The following TENM2 variants were observed in gnomAD, a reference collection of about 807,000 sequenced individuals.
TENM2 encodes teneurin-2.
TENM2 carries 52 observed loss-of-function variants against 245.2 expected under a neutral mutation model. The observed-to-expected ratio is 0.21, with a 90% CI of 0.17 to 0.27. The LOEUF (loss-of-function observed/expected upper bound fraction) is 0.27. TENM2 is among the 10% of genes least tolerant of loss of function. The probability of loss-of-function intolerance (pLI) is 1.00; values close to 1 mark genes in which losing one functional copy is unlikely to be tolerated. For synonymous variants in TENM2, 1,363 were observed against 1,438.9 expected (o/e 0.95, Z 1.19); for missense variants, 3,046 against 3,666.8 (o/e 0.83, Z 4.37).
intron 6 of TENM2, among the ~76,000 whole-genome samples, chr5:168,049,456 T>G (rs1246363935): frequency 6.6e-6 from 1 of 152,218 alleles, no homozygotes; most frequent in African/African-American, 2.4e-5. Context: ...ATGCCAATGC[T>G]TTTCGAGTAG....
rs371105320 is a variant in TENM2 at position 168,022,198 on chromosome 5, G to A, written c.1187-25229G>A. The stretch of plus-strand genomic sequence containing the variant: ...ATGAGCAGGCACCGTGCCGGGGGCT[G>A]GGGATGCAGCGCAGAGAAGAGCAGC... On this transcript the variant is annotated intron_variant, in intron 5 of 28. Transcript: ENST00000518659. Among the ~76,000 whole-genome samples the A allele has an allele frequency of 6.6e-5, 10 of 152,342 alleles. No homozygotes were observed. The South Asian group carries it at 2.1e-3, about 32-fold the overall frequency.
intron 2 of TENM2, among the ~76,000 whole-genome samples, chr5:167,509,687 A>T (rs1315925726): frequency 6.6e-6 from 1 of 152,192 alleles, no homozygotes; most frequent in Non-Finnish European, 1.5e-5. Flanking sequence ...GCGAACATTG[A>T]CTGAGCACTT....
chr5:167,981,082 G>A (rs1782802331), intron 4 of TENM2, among the ~76,000 whole-genome samples: 1 of 152,206 alleles, frequency 6.6e-6, no homozygotes, highest in Non-Finnish European at 1.5e-5. Flanking sequence ...ACTGGTCCGA[G>A]TAAGGATATG....
intron 1 of TENM2, among the ~76,000 whole-genome samples, chr5:167,351,715 T>C (rs1362026905): frequency 6.6e-6 from 1 of 152,176 alleles, no homozygotes; most frequent in African/African-American, 2.4e-5. Context: ...TGCCTAATAA[T>C]GAAGGGATGG....
At chr5:167,287,766 TTCTTC>T (rs1754381154) in intron 1 of TENM2, 1 of 152,296 alleles carries the variant, frequency 6.6e-6, no homozygotes, top group South Asian at 2.1e-4. Flanking sequence ...CTATTGTGGC[TTCTTC>T]TCTTGAGTAT....
intron 2 of TENM2, among the ~76,000 whole-genome samples, chr5:167,872,534 AAGAAAGAAAGAAAG>A (rs1479355153): frequency 0.045 from 2,201 of 48,432 alleles, 27 homozygotes; most frequent in East Asian, 0.067. Context: ...GAAAGAAAGA[AAGAAAGAAAGAAAG>A]AGAAAGAAAG....
chr5:167,555,580 G>C (rs1270208326), intron 2 of TENM2, among the ~76,000 whole-genome samples: 1 of 152,114 alleles, frequency 6.6e-6, no homozygotes, highest in East Asian at 1.9e-4. Context: ...TGGAGGGATT[G>C]CTGGTATGGA....
the TENM2 span, among the ~76,000 whole-genome samples, chr5:167,061,091 A>AAC: frequency 0.26 from 38,270 of 149,468 alleles, 5,726 homozygotes; most frequent in Non-Finnish European, 0.33. Context: ...CTCTCTCCAA[A>AAC]ACACACACAC....
Position 168,244,273 on chromosome 5 carries a change from G to A in TENM2, c.5521-147G>A. ...TTTTCTATCTGTGCCATGATAAGGAGCTTAGAAAGCACTACTCTAACTTTG... is the reference window on the plus strand; with the variant it reads ...TTTTCTATCTGTGCCATGATAAGGAACTTAGAAAGCACTACTCTAACTTTG... On this transcript the variant is annotated intron_variant, in intron 25 of 28. Transcript: ENST00000518659. The surrounding 1 kb of genome is among the most constrained non-coding windows in gnomAD (Gnocchi z 4.9). 1.5e-6 allele frequency: 1 copy of A among 661,526 alleles called. No individual in the cohort carries two copies. Among genetic ancestry groups the A allele is most frequent in the Non-Finnish European group, 2.3e-6 (1 of 439,472 alleles). The allele number at this position is 661,526 out of a possible 1,614,324, so 41.0% of individuals were successfully genotyped here. A position where few individuals can be genotyped will look rare whatever the true frequency, so the allele number is the denominator to read the frequency against.
intron 2 of TENM2, chr5:167,729,242 A>G (rs891923606): frequency 2.0e-5 from 3 of 152,182 alleles, no homozygotes; most frequent in South Asian, 4.1e-4. Flanking sequence ...TTGACTGCCT[A>G]CTTTCAAGCC....
intron 2 of TENM2, among the ~76,000 whole-genome samples, chr5:167,718,900 G>A (rs1445154617): frequency 6.6e-6 from 1 of 151,896 alleles, no homozygotes; most frequent in African/African-American, 2.4e-5. Context: ...AGCTTCTTAT[G>A]TGTGAATTAG....
the TENM2 span, among the ~76,000 whole-genome samples, chr5:167,141,229 T>C: frequency 1.1e-4 from 17 of 152,336 alleles, no homozygotes; most frequent in Admixed American, 1.0e-3. Flanking sequence ...AATTAATTGC[T>C]AATTATCCAA....
At chr5:167,856,415 G>A (rs968428729) in intron 2 of TENM2, among the ~76,000 whole-genome samples, 1 of 152,178 alleles carries the variant, frequency 6.6e-6, no homozygotes, top group Non-Finnish European at 1.5e-5. Context: ...CATCAAGCAG[G>A]AATGTTGAAT....
chr5:168,239,080 G>T (rs1312281085), intron 25 of TENM2, among the ~76,000 whole-genome samples: 4 of 152,130 alleles, frequency 2.6e-5, no homozygotes, highest in Admixed American at 6.6e-5. Flanking sequence ...AGAGAACATT[G>T]CAGCTAAATT....
At chr5:168,029,450 G>A (rs752094725) in intron 5 of TENM2, among the ~76,000 whole-genome samples, 5 of 152,176 alleles carry the variant, frequency 3.3e-5, no homozygotes, top group Non-Finnish European at 5.9e-5. Context: ...AGTTTGGCAT[G>A]ATGGACTAAA....
intron 20 of TENM2, among the ~76,000 whole-genome samples, chr5:168,213,545 G>T (rs896882714): frequency 2.0e-5 from 3 of 151,986 alleles, no homozygotes; most frequent in African/African-American, 7.3e-5. Flanking sequence ...ATAGGAAAAG[G>T]CTGGTTGCAT....
chr5:168,212,662 T>A (rs11740385), intron 20 of TENM2, among the ~76,000 whole-genome samples: 1 of 152,050 alleles, frequency 6.6e-6, no homozygotes, highest in South Asian at 2.1e-4. Context: ...GACAAAGTCC[T>A]CTGTCTTCTT....
At chr5:167,137,666 C>T in the TENM2 span, among the ~76,000 whole-genome samples, 1 of 152,166 alleles carries the variant, frequency 6.6e-6, no homozygotes, top group African/African-American at 2.4e-5. Context: ...AATTGCAGCT[C>T]ATACTAACTC....
chr5:168,248,122 G>A, exon 27 of TENM2: 1 of 1,613,962 alleles, frequency 6.2e-7, no homozygotes, highest in Non-Finnish European at 8.5e-7. Context: ...CACGGCCTAT[G>A]GGGAGATTTA....
Sources: allele counts gnomAD v4.1 joint callset (sites outside exome capture counted in the v4.1 genomes callset), GRCh38; gene constraint gnomAD v4.1.1; non-coding constraint Gnocchi (gnomAD v3.1); transcripts MANE v1.5; gene names NCBI Gene and HGNC (gene_info 2026-07-23, HGNC 2026-07-21).